Variants in TNR observed in about 807,000 individuals in gnomAD.
TNR encodes tenascin-R.
Under a neutral mutation model 150.4 loss-of-function variants are expected in TNR, and 45 were observed. The ratio of observed to expected loss-of-function variants is 0.30; its 90% CI spans 0.24 to 0.38. TNR has a LOEUF of 0.38. TNR is among the 10% of genes least tolerant of loss of function. The pLI is 1.00. For synonymous variants in TNR, 687 were observed against 678.4 expected (o/e 1.01, Z -0.20); for missense variants, 1,544 against 1,759.1 (o/e 0.88, Z 2.19).
Position 175,709,308 on chromosome 1 carries a change from T to TACACACACACACAC in TNR, c.-165+33904_-165+33917dup, listed in dbSNP as rs371591261. 3.2e-3 allele frequency among the ~76,000 whole-genome samples: 407 copies of TACACACACACACAC among 127,812 alleles called. 3 individuals are homozygous for TACACACACACACAC. The highest frequency in any genetic ancestry group is 7.5e-3 in the African/African-American group (245 of 32,658). The allele number at this position is 127,812 out of a possible 152,430, so 83.8% of individuals were successfully genotyped here. A position where few individuals can be genotyped will look rare whatever the true frequency, so the allele number is the denominator to read the frequency against. ...TCCCTTGCTTTCACACACACACACA[T>TACACACACACACAC]ACACACACACACACACACACACACA... On this transcript the variant is annotated intron_variant, in intron 1 of 22. Transcript: ENST00000367674.
intron 4 of TNR, 75 bp from the exon 5 acceptor site, chr1:175,396,882 C>G: frequency 6.5e-7 from 1 of 1,543,174 alleles, no homozygotes; most frequent in Non-Finnish European, 8.8e-7. Context: ...CTTTCTTCCT[C>G]ACATCTCACC....
chr1:175,481,818 G>A (rs861470), intron 2 of TNR, among the ~76,000 whole-genome samples: 99,774 of 152,010 alleles, frequency 0.66, 33,460 homozygotes, highest in African/African-American at 0.8. Flanking sequence ...CTAGATTGAC[G>A]CAGAACTTTT....
chr1:175,617,265 T>A (rs890477423), intron 1 of TNR, among the ~76,000 whole-genome samples: 1 of 152,208 alleles, frequency 6.6e-6, no homozygotes, highest in Non-Finnish European at 1.5e-5. Flanking sequence ...TCTTCCTATG[T>A]CCTCTCCCCA....
intron 1 of TNR, among the ~76,000 whole-genome samples, chr1:175,691,739 A>T (rs961653943): frequency 6.6e-6 from 1 of 152,090 alleles, no homozygotes; most frequent in Non-Finnish European, 1.5e-5. Flanking sequence ...AGCTGTGGGG[A>T]GTAATCAGAT....
At chr1:175,606,324 C>T (rs1023524680) in intron 1 of TNR, among the ~76,000 whole-genome samples, 1 of 152,086 alleles carries the variant, frequency 6.6e-6, no homozygotes, top group Admixed American at 6.5e-5. Flanking sequence ...AGATGCTGGG[C>T]CTCAAAGAAG....
chr1:175,736,357 T>C (rs1667770137), intron 1 of TNR, among the ~76,000 whole-genome samples: 1 of 152,044 alleles, frequency 6.6e-6, no homozygotes. Flanking sequence ...TCATCTCTAC[T>C]AAAAATACAA....
At position 175,736,188 on chromosome 1, in the gene TNR, G is replaced by C. The variant is rs557407634; in HGVS notation, c.-165+7038C>G. ...TGACAGACACTGTCCCAGGGACTTT[G>C]TACTCATGCCTCATTTAATTCTCAC... On this transcript the variant is annotated intron_variant, in intron 1 of 22. Coordinates refer to ENST00000367674, the MANE Select transcript of TNR (RefSeq NM_003285.3). 2.6e-5 allele frequency among the ~76,000 whole-genome samples: 4 copies of C among 152,332 alleles called. No individual in the cohort carries two copies. The South Asian group carries it at 8.3e-4, about 32-fold the overall frequency.
At chr1:175,413,289 G>A (rs1025296851) in intron 2 of TNR, among the ~76,000 whole-genome samples, 1 of 152,222 alleles carries the variant, frequency 6.6e-6, no homozygotes, top group Non-Finnish European at 1.5e-5. Flanking sequence ...GCCTCCCAAA[G>A]TGTTGGGATT....
At chr1:175,517,190 T>A (rs1266046728) in intron 2 of TNR, among the ~76,000 whole-genome samples, 1 of 152,132 alleles carries the variant, frequency 6.6e-6, no homozygotes, top group Non-Finnish European at 1.5e-5. Flanking sequence ...CAACATTTCC[T>A]CCTCTGCTCT....
chr1:175,478,894 A>G (rs1027393180), intron 2 of TNR, among the ~76,000 whole-genome samples: 2 of 152,236 alleles, frequency 1.3e-5, no homozygotes, highest in Admixed American at 6.5e-5. Context: ...AAATGCAGAC[A>G]TTAAAAGGAA....
At chr1:175,684,192 T>C (rs1666121216) in intron 1 of TNR, among the ~76,000 whole-genome samples, 1 of 152,232 alleles carries the variant, frequency 6.6e-6, no homozygotes, top group Non-Finnish European at 1.5e-5. Flanking sequence ...AGGCATTACA[T>C]GATGGCTCAT....
intron 1 of TNR, among the ~76,000 whole-genome samples, chr1:175,648,487 C>A (rs928334785): frequency 2.6e-5 from 4 of 152,088 alleles, no homozygotes; most frequent in Admixed American, 1.3e-4. Flanking sequence ...GGCTTGGCAT[C>A]CCATCTAAGA....
chr1:175,405,980 T>C (rs1653938303), intron 3 of TNR, among the ~76,000 whole-genome samples: 1 of 152,202 alleles, frequency 6.6e-6, no homozygotes, highest in African/African-American at 2.4e-5. Flanking sequence ...CTATGCAGTG[T>C]AGAAAATCCC....
intron 1 of TNR, among the ~76,000 whole-genome samples, chr1:175,687,326 G>T (rs967660102): frequency 1.3e-5 from 2 of 152,026 alleles, no homozygotes; most frequent in African/African-American, 4.8e-5. Context: ...GTGCCCTTAA[G>T]TTTCTCTAAG....
chr1:175,624,530 G>C (rs1282749623), intron 1 of TNR, among the ~76,000 whole-genome samples: 2 of 152,108 alleles, frequency 1.3e-5, no homozygotes, highest in African/African-American at 4.8e-5. Context: ...GGGAAGCAGA[G>C]GTTTCAAAAG....
intron 20 of TNR, among the ~76,000 whole-genome samples, chr1:175,331,046 T>TTTCCTTCCTTCCTTCC (rs1649771893): frequency 1.9e-4 from 16 of 82,898 alleles, no homozygotes; most frequent in African/African-American, 7.3e-4. Flanking sequence ...TCTTTCTTTC[T>TTTCCTTCCTTCCTTCC]TTCTTTCTTT....
At chr1:175,445,301 G>C (rs1656000361) in intron 2 of TNR, among the ~76,000 whole-genome samples, 2 of 152,260 alleles carry the variant, frequency 1.3e-5, no homozygotes, top group Non-Finnish European at 2.9e-5. Context: ...AGAAGCCTGA[G>C]ACAGAGCTGG....
chr1:175,578,571 A>G (rs1245601101), intron 1 of TNR, among the ~76,000 whole-genome samples: 2 of 152,134 alleles, frequency 1.3e-5, no homozygotes, highest in South Asian at 2.1e-4. Flanking sequence ...GGGGAGAGAG[A>G]TGAATGAGAG....
chr1:175,376,918 A>C (rs966713348), intron 9 of TNR, among the ~76,000 whole-genome samples: 10 of 150,790 alleles, frequency 6.6e-5, no homozygotes, highest in Admixed American at 5.3e-4. Context: ...GACTGTAACA[A>C]AAAATCAACC....
Sources: allele counts gnomAD v4.1 joint callset (sites outside exome capture counted in the v4.1 genomes callset), GRCh38; gene constraint gnomAD v4.1.1; transcripts MANE v1.5; gene names NCBI Gene and HGNC (gene_info 2026-07-23, HGNC 2026-07-21).